Variants in MAP6 observed in about 807,000 individuals in gnomAD.
MAP6 encodes the protein microtubule-associated protein 6.
A neutral mutation model predicts 42.4 loss-of-function variants in MAP6; 26 were observed. That is an observed-to-expected ratio of 0.61 (90% confidence interval 0.45 to 0.85). MAP6 has a LOEUF of 0.85. MAP6 is among the 40% of genes least tolerant of loss of function. The pLI is 0.00. For synonymous variants in MAP6, 418 were observed against 443.8 expected (o/e 0.94, Z 0.73); for missense variants, 966 against 1,099.0 (o/e 0.88, Z 1.71).
intron 1 of MAP6, among the ~76,000 whole-genome samples, chr11:75,641,912 G>A (rs1408340931): frequency 6.6e-6 from 1 of 152,206 alleles, no homozygotes; most frequent in Non-Finnish European, 1.5e-5. Flanking sequence ...TTAGAGGTCA[G>A]TAGTGTCCTG....
At chr11:75,663,614 A>G (rs928471744) in intron 1 of MAP6, among the ~76,000 whole-genome samples, 1 of 152,178 alleles carries the variant, frequency 6.6e-6, no homozygotes, top group Middle Eastern at 3.2e-3. Flanking sequence ...CAAGCAGACA[A>G]TGATAAGGGT....
intron 1 of MAP6, among the ~76,000 whole-genome samples, chr11:75,621,727 A>G (rs1269562713): frequency 6.6e-6 from 1 of 152,190 alleles, no homozygotes; most frequent in African/African-American, 2.4e-5. Context: ...TGCATATAAC[A>G]TAATCTTGCA....
chr11:75,652,330 G>A (rs1221501261), intron 1 of MAP6, among the ~76,000 whole-genome samples: 1 of 152,094 alleles, frequency 6.6e-6, no homozygotes, highest in Non-Finnish European at 1.5e-5. Flanking sequence ...CTTGTTATAT[G>A]GGAATATCTG....
intron 3 of MAP6, among the ~76,000 whole-genome samples, chr11:75,592,095 G>A (rs979395645): frequency 5.3e-5 from 8 of 152,198 alleles, no homozygotes; most frequent in Admixed American, 6.5e-5. Context: ...CTGCCAGCCC[G>A]GGCTGTCTGT....
At chr11:75,635,384 T>C (rs1943352228) in intron 1 of MAP6, among the ~76,000 whole-genome samples, 1 of 152,230 alleles carries the variant, frequency 6.6e-6, no homozygotes, top group Non-Finnish European at 1.5e-5. Flanking sequence ...ACGAGTGGCA[T>C]CTGGTGCTTA....
At position 75,667,680 on chromosome 11, in the gene MAP6, C is replaced by T; in HGVS notation, c.690G>A (p.Ala230=). 1 of 1,273,606 alleles carries T rather than the reference C, an allele frequency of 7.9e-7. No individual in the cohort carries two copies. The allele number at this position is 1,273,606 out of a possible 1,614,324, so 78.9% of individuals were successfully genotyped here. The change falls in exon 1 of 4, where the codon GCG becomes GCA. Residue 230 remains alanine (A), a synonymous_variant. Transcript: ENST00000304771. This position sits in a 1 kb window ranked among gnomAD's most constrained non-coding sequence, Gnocchi z 5.6. ...GGAGGLAAGK[A]SGADERDTRR... The stretch of plus-strand genomic sequence containing the variant: ...GCGTGTCGCGCTCGTCCGCCCCGGA[C>T]GCCTTTCCGGCCGCCAGGCCACCCG...
intron 2 of MAP6, 148 bp from the exon 3 acceptor site, chr11:75,606,152 G>A (rs1942769930): frequency 1.1e-5 from 10 of 912,612 alleles, no homozygotes; most frequent in South Asian, 1.8e-5. Context: ...GTGTTCCCAA[G>A]GACATTAGGG....
At chr11:75,592,579 C>T (rs528952587) in intron 3 of MAP6, among the ~76,000 whole-genome samples, 237 of 152,150 alleles carry the variant, frequency 1.6e-3, no homozygotes, top group African/African-American at 5.4e-3. Context: ...CCTCCCTTCC[C>T]CTACCACCTG....
intron 1 of MAP6, among the ~76,000 whole-genome samples, chr11:75,623,697 C>T (rs138378796): frequency 2.1e-3 from 316 of 152,290 alleles, no homozygotes; most frequent in Admixed American, 0.013. Context: ...ACTGAACCAA[C>T]GAATAAACAC....
intron 1 of MAP6, among the ~76,000 whole-genome samples, chr11:75,623,736 G>A (rs1565266156): frequency 1.3e-5 from 2 of 152,168 alleles, no homozygotes; most frequent in Non-Finnish European, 2.9e-5. Flanking sequence ...TTGAGATGGA[G>A]TCTCGCTCTG....
intron 3 of MAP6, chr11:75,603,013 G>C: frequency 1.1e-5 from 11 of 985,778 alleles, no homozygotes; most frequent in Non-Finnish European, 1.2e-5. Flanking sequence ...AGCACCAAGA[G>C]AGGTGTGCGC....
At chr11:75,604,294 T>C (rs2135584213) in intron 3 of MAP6, 3 of 985,852 alleles carry the variant, frequency 3.0e-6, no homozygotes, top group Non-Finnish European at 3.6e-6. Flanking sequence ...AGCAGAGACT[T>C]TGCTGCCTGA....
chr11:75,659,506 T>C (rs1943807588), intron 1 of MAP6, among the ~76,000 whole-genome samples: 1 of 152,234 alleles, frequency 6.6e-6, no homozygotes, highest in Non-Finnish European at 1.5e-5. Flanking sequence ...AGTAACAGCA[T>C]GGTTCCTGAA....
chr11:75,631,262 T>C (rs1203008049), intron 1 of MAP6, among the ~76,000 whole-genome samples: 3 of 152,196 alleles, frequency 2.0e-5, no homozygotes, highest in Admixed American at 6.5e-5. Context: ...TAACAAAGCA[T>C]GGACTATGAG....
Position 75,622,060 on chromosome 11 carries a change from A to G in MAP6, c.906-13738T>C, listed in dbSNP as rs144713981. Among the ~76,000 whole-genome samples the G allele has an allele frequency of 6.6e-4, 100 of 151,960 alleles. No homozygotes were observed. In the East Asian group the frequency reaches 0.019, roughly 28 times the overall value. Reference sequence around the variant, plus strand: ...AAAACAAAACAACAACAACAAAAAAACCCAATAAAGGCTACTAGAAAAAAT... The same window carrying G: ...AAAACAAAACAACAACAACAAAAAAGCCCAATAAAGGCTACTAGAAAAAAT... On this transcript the variant is annotated intron_variant, in intron 1 of 3. Coordinates refer to ENST00000304771, the MANE Select transcript of MAP6 (RefSeq NM_033063.2).
chr11:75,640,649 C>T (rs1200485959), intron 1 of MAP6, among the ~76,000 whole-genome samples: 3 of 152,154 alleles, frequency 2.0e-5, no homozygotes, highest in Admixed American at 1.3e-4. Context: ...AAAAAACAAA[C>T]AACCACATCA....
At chr11:75,650,530 G>A (rs1290634390) in intron 1 of MAP6, among the ~76,000 whole-genome samples, 1 of 152,152 alleles carries the variant, frequency 6.6e-6, no homozygotes, top group Non-Finnish European at 1.5e-5. Context: ...TGTAATCCAA[G>A]AACATAGTTC....
chr11:75,598,136 G>A (rs551005869), intron 3 of MAP6, among the ~76,000 whole-genome samples: 1 of 152,158 alleles, frequency 6.6e-6, no homozygotes, highest in Non-Finnish European at 1.5e-5. Flanking sequence ...ATTATCCCTT[G>A]CTGGCCAAAT....
chr11:75,605,814 G>A lies in MAP6; in HGVS notation c.1310C>T (p.Ala437Val), dbSNP rs774595883. The A allele has an allele frequency of 2.5e-6, 4 of 1,613,820 alleles. No individual in the cohort carries two copies. Among genetic ancestry groups the A allele is most frequent in the Non-Finnish European group, 2.5e-6 (3 of 1,179,974 alleles). The change falls in exon 3 of 4, where the codon GCG becomes GTG. Residue 437 changes from alanine (A) to valine (V), a missense_variant. Physicochemically the swap from Ala to Val is moderately conservative, Grantham distance 64 (BLOSUM62 0). Transcript: ENST00000304771. ...SKEMNNKLAEAKESLAQPVSD... is the reference protein window; with the variant it reads ...SKEMNNKLAEVKESLAQPVSD... Reference sequence around the variant, plus strand: ...AAAGTGCAGGGAAATTTACTCTTTCGCCTCAGCCAGTTTATTGTTCATCTC... The same window carrying A: ...AAAGTGCAGGGAAATTTACTCTTTCACCTCAGCCAGTTTATTGTTCATCTC...
Sources: allele counts gnomAD v4.1 joint callset (sites outside exome capture counted in the v4.1 genomes callset), GRCh38; gene constraint gnomAD v4.1.1; non-coding constraint Gnocchi (gnomAD v3.1); transcripts MANE v1.5; gene names NCBI Gene and HGNC (gene_info 2026-07-23, HGNC 2026-07-21).